ARL15: variants seen among roughly 807,000 people sequenced by gnomAD.
The protein encoded by ARL15 is ADP-ribosylation factor-like protein 15.
ARL15 carries 19 observed loss-of-function variants against 25.2 expected under a neutral mutation model. That is an observed-to-expected ratio of 0.75 (90% CI 0.53 to 1.10). ARL15 has a LOEUF of 1.10. ARL15 is among the 50% of genes least tolerant of loss of function. ARL15 has a pLI of 0.00. For missense variants in ARL15, 220 were observed against 246.0 expected (o/e 0.89, Z 0.71); for synonymous variants, 94 against 86.8 (o/e 1.08, Z -0.46).
chr5:54,143,938 T>C (rs1347458376), intron 3 of ARL15, among the ~76,000 whole-genome samples: 1 of 151,934 alleles, frequency 6.6e-6, no homozygotes, highest in African/African-American at 2.4e-5. Context: ...AAACTTCAAT[T>C]TTTTTCTTCT....
At chr5:54,016,047 G>A (rs897278617) in intron 4 of ARL15, among the ~76,000 whole-genome samples, 3 of 152,074 alleles carry the variant, frequency 2.0e-5, no homozygotes, top group African/African-American at 7.2e-5. Context: ...AGCTGAGGAT[G>A]TTCTATAAAC....
At chr5:54,191,503 GA>G (rs1050249906) in intron 1 of ARL15, among the ~76,000 whole-genome samples, 1 of 151,172 alleles carries the variant, frequency 6.6e-6, no homozygotes, top group Non-Finnish European at 1.5e-5. Context: ...AAAAAATTTT[GA>G]AAAAAAATCC....
intron 2 of ARL15, among the ~76,000 whole-genome samples, chr5:54,156,125 A>G (rs1215080919): frequency 6.6e-6 from 1 of 152,208 alleles, no homozygotes; most frequent in Admixed American, 6.5e-5. Context: ...AAATCATTAC[A>G]CACCTTCTTA....
intron 4 of ARL15, among the ~76,000 whole-genome samples, chr5:53,981,268 A>G (rs895464785): frequency 6.6e-6 from 1 of 152,256 alleles, no homozygotes; most frequent in Admixed American, 6.5e-5. Context: ...GTAAACATCA[A>G]TTAAAGAATA....
chr5:54,115,351 G>A (rs1752865846), intron 3 of ARL15, among the ~76,000 whole-genome samples: 1 of 152,038 alleles, frequency 6.6e-6, no homozygotes, highest in African/African-American at 2.4e-5. Context: ...ATGGGTTCTC[G>A]CTATGTTGCC....
At chr5:54,071,513 C>T (rs1366735278) in intron 4 of ARL15, among the ~76,000 whole-genome samples, 1 of 12,182 alleles carries the variant, frequency 8.2e-5, no homozygotes, top group Non-Finnish European at 2.9e-4. Flanking sequence ...CCGCCTTTCC[C>T]CCCCCCCCCC....
chr5:54,186,603 A>C (rs1277136492), intron 1 of ARL15, among the ~76,000 whole-genome samples: 1 of 152,146 alleles, frequency 6.6e-6, no homozygotes, highest in Non-Finnish European at 1.5e-5. Flanking sequence ...CACTTATTGA[A>C]AATTAAATAC....
intron 4 of ARL15, among the ~76,000 whole-genome samples, chr5:53,945,522 C>T (rs1192236594): frequency 6.7e-6 from 1 of 149,348 alleles, no homozygotes; most frequent in African/African-American, 2.5e-5. Flanking sequence ...CTCAGGCATT[C>T]TCAGCACACT....
intron 4 of ARL15, among the ~76,000 whole-genome samples, chr5:54,026,797 TG>T (rs1749798314): frequency 6.6e-6 from 1 of 152,094 alleles, no homozygotes; most frequent in Non-Finnish European, 1.5e-5. Context: ...GAGACACCAA[TG>T]AATAAGCCAC....
At chr5:54,030,926 A>G (rs1048210653) in intron 4 of ARL15, among the ~76,000 whole-genome samples, 13 of 152,234 alleles carry the variant, frequency 8.5e-5, no homozygotes, top group Non-Finnish European at 1.9e-4. Context: ...ATTTAGGTCA[A>G]CATGTTAAAT....
At chr5:54,051,309 G>A (rs545161523) in intron 4 of ARL15, among the ~76,000 whole-genome samples, 8 of 152,212 alleles carry the variant, frequency 5.3e-5, no homozygotes, top group African/African-American at 1.4e-4. Context: ...TCTCAAAGTC[G>A]CAAGACTAAT....
intron 4 of ARL15, among the ~76,000 whole-genome samples, chr5:54,032,410 T>C (rs1283429892): frequency 6.6e-6 from 1 of 152,118 alleles, no homozygotes; most frequent in African/African-American, 2.4e-5. Context: ...AATTTTTGTA[T>C]TTTTAGCACA....
At chr5:54,034,568 G>A (rs1322546305) in intron 4 of ARL15, among the ~76,000 whole-genome samples, 1 of 152,104 alleles carries the variant, frequency 6.6e-6, no homozygotes, top group Non-Finnish European at 1.5e-5. Context: ...TACACTGTAG[G>A]CAGGCATAAC....
At chr5:53,986,415 G>C (rs956842391) in intron 4 of ARL15, among the ~76,000 whole-genome samples, 1 of 152,152 alleles carries the variant, frequency 6.6e-6, no homozygotes, top group African/African-American at 2.4e-5. Context: ...ACTTCTAACA[G>C]AGCTAAGAGT....
At chr5:54,292,588 C>T (rs1457630546) in intron 1 of ARL15, among the ~76,000 whole-genome samples, 7 of 152,026 alleles carry the variant, frequency 4.6e-5, no homozygotes, top group East Asian at 1.9e-4. Flanking sequence ...CCTATTCAAG[C>T]GTTTCATTAA....
chr5:54,118,969 A>T (rs1214595045), intron 3 of ARL15, among the ~76,000 whole-genome samples: 2 of 152,080 alleles, frequency 1.3e-5, no homozygotes, highest in Non-Finnish European at 2.9e-5. Context: ...TGTCTATGTG[A>T]CTCCAAACAC....
intron 4 of ARL15, among the ~76,000 whole-genome samples, chr5:53,933,140 C>T (rs1159515347): frequency 1.3e-5 from 2 of 152,132 alleles, no homozygotes; most frequent in Non-Finnish European, 2.9e-5. Context: ...TAGAGCCTCC[C>T]CACAAAACAA....
chr5:54,002,286 A>C (rs1580159112), intron 4 of ARL15, among the ~76,000 whole-genome samples: 1 of 152,218 alleles, frequency 6.6e-6, no homozygotes, highest in African/African-American at 2.4e-5. Flanking sequence ...GTCGTCCTCT[A>C]AACATTAATG....
At chr5:54,233,505 G>A (rs1361987341) in intron 1 of ARL15, among the ~76,000 whole-genome samples, 1 of 152,178 alleles carries the variant, frequency 6.6e-6, no homozygotes, top group Non-Finnish European at 1.5e-5. Context: ...CTGATATTGT[G>A]TTAACATTTG....
Sources: allele counts gnomAD v4.1 joint callset (sites outside exome capture counted in the v4.1 genomes callset), GRCh38; gene constraint gnomAD v4.1.1; transcripts MANE v1.5; gene names NCBI Gene and HGNC (gene_info 2026-07-23, HGNC 2026-07-21).